FCRLB: variants seen among roughly 807,000 people sequenced by gnomAD.
The protein encoded by FCRLB is Fc receptor like B.
Under a neutral mutation model 33.6 loss-of-function variants are expected in FCRLB, and 34 were observed. That is an observed-to-expected ratio of 1.01 (90% confidence interval 0.77 to 1.35). FCRLB has a LOEUF of 1.35. Ranked by LOEUF, FCRLB falls within the 40% of genes most tolerant of loss-of-function variation. FCRLB has a pLI of 0.00. For synonymous variants in FCRLB, 280 were observed against 255.9 expected (o/e 1.09, Z -0.90); for missense variants, 560 against 580.2 (o/e 0.97, Z 0.36).
At chr1:161,724,425 TA>T (rs3039575) in intron 5 of FCRLB, among the ~76,000 whole-genome samples, 5,334 of 112,522 alleles carry the variant, frequency 0.047, 134 homozygotes, top group Non-Finnish European at 0.057. Context: ...CACTCTCTAC[TA>T]AAAAAAAAAA....
exon 6 of FCRLB, chr1:161,725,963 C>T: frequency 6.2e-7 from 1 of 1,614,276 alleles, no homozygotes; most frequent in Non-Finnish European, 8.5e-7. Context: ...TCCACTCCAG[C>T]GCCAACTACA....
chr1:161,723,409 C>T (rs35002732), exon 5 of FCRLB: 58,670 of 1,614,184 alleles, frequency 0.036, 1,264 homozygotes, highest in Middle Eastern at 0.063. Context: ...CCACCTTGGA[C>T]CACCATCTTC....
chr1:161,726,385 C>A lies in FCRLB; in HGVS notation c.574+298C>A. ...CCACTGTGGGACTGGGACGAAGGAG[C>A]GACTCCCTAGCGTCCTGCAAGGCAG... is the stretch of plus-strand genomic sequence containing the variant. On this transcript the variant is annotated intron_variant, in intron 6 of 7. Coordinates refer to ENST00000367948, the Ensembl canonical transcript of FCRLB. This position sits in a 1 kb window ranked among gnomAD's most constrained non-coding sequence, Gnocchi z 5.2. 1.4e-6 allele frequency: 1 copy of A among 720,836 alleles called. No homozygotes were observed. Among genetic ancestry groups the A allele is most frequent in the Non-Finnish European group, 2.5e-6 (1 of 404,328 alleles). The allele number at this position is 720,836 out of a possible 1,614,324, so 44.7% of individuals were successfully genotyped here.
chr1:161,726,009 T>C lies in FCRLB; in HGVS notation c.496T>C (p.Tyr166His), dbSNP rs1373576200. ...GGCGCGTGCCAGCGACAGCGGGCGC[T>C]ACCAGTGCTCGGGCACCATGCGCAT... Residue 166 changes from tyrosine (Y) to histidine (H), a missense_variant, in exon 6 of 8, where the codon TAC becomes CAC. Physicochemically the swap from Tyr to His is moderately conservative, Grantham distance 83 (BLOSUM62 2). Transcript: ENST00000367948. The surrounding 1 kb of genome is among the most constrained non-coding windows in gnomAD (Gnocchi z 5.2). 1.2e-6 allele frequency: 2 copies of C among 1,614,148 alleles called. No individual in the cohort carries two copies. Among genetic ancestry groups the C allele is most frequent in the East Asian group, 4.5e-5 (2 of 44,880 alleles).
chr1:161,723,009 G>C, exon 4 of FCRLB: 1 of 1,613,852 alleles, frequency 6.2e-7, no homozygotes, highest in East Asian at 2.2e-5. Context: ...TGGGCAAGCT[G>C]GTGAGTCTTA....
chr1:161,727,506 C>G, exon 8 of FCRLB: 1 of 1,614,198 alleles, frequency 6.2e-7, no homozygotes, highest in Non-Finnish European at 8.5e-7. Flanking sequence ...ACCTTCTGCT[C>G]CGAGAAATGC....
intron 5 of FCRLB, among the ~76,000 whole-genome samples, chr1:161,725,540 G>A (rs12729685): frequency 0.073 from 11,051 of 152,216 alleles, 478 homozygotes; most frequent in East Asian, 0.11. Flanking sequence ...TACTCGGGAG[G>A]CTGAGGCAGA....
At chr1:161,722,737 G>C in intron 3 of FCRLB, 34 bp downstream of exon 3, 3 of 1,613,048 alleles carry the variant, frequency 1.9e-6, no homozygotes, top group Non-Finnish European at 2.5e-6. Context: ...AAGAGCTTTG[G>C]GTGGTGGAGA....
Position 161,726,507 on chromosome 1 carries a change from T to C in FCRLB, c.575-196T>C, listed in dbSNP as rs1466801157. On this transcript the variant is annotated intron_variant, in intron 6 of 7. Transcript: ENST00000367948. The surrounding 1 kb of genome is among the most constrained non-coding windows in gnomAD (Gnocchi z 5.2). Reference sequence around the variant, plus strand: ...GCCTGGTCCCTCTTCCTTTCAAGCTTTCCCCGTCCCTCGTGGACTCGGTCC... The same window carrying C: ...GCCTGGTCCCTCTTCCTTTCAAGCTCTCCCCGTCCCTCGTGGACTCGGTCC... The C allele has an allele frequency of 3.7e-6, 3 of 817,778 alleles. No individual in the cohort carries two copies. Among genetic ancestry groups the C allele is most frequent in the Non-Finnish European group, 6.1e-6 (3 of 491,234 alleles). The allele number at this position is 817,778 out of a possible 1,614,324, so 50.7% of individuals were successfully genotyped here.
At chr1:161,724,664 A>T (rs1891020) in intron 5 of FCRLB, among the ~76,000 whole-genome samples, 1 of 151,962 alleles carries the variant, frequency 6.6e-6, no homozygotes, top group Non-Finnish European at 1.5e-5. Context: ...TTCGGAAATC[A>T]TTGGTGATAG....
chr1:161,726,002 CGGGCGCTACCAGT>C lies in FCRLB; in HGVS notation c.491_503del (p.Gly164AlafsTer21). On this transcript the variant is annotated frameshift_variant, in exon 6 of 8. Transcript: ENST00000367948. LOFTEE classifies it high-confidence loss of function. This position sits in a 1 kb window ranked among gnomAD's most constrained non-coding sequence, Gnocchi z 5.2. Reference sequence around the variant, plus strand: ...TGTTACAGGCGCGTGCCAGCGACAGCGGGCGCTACCAGTGCTCGGGCACCATGCGCATCCCGGT... The same window carrying C: ...TGTTACAGGCGCGTGCCAGCGACAGCGCTCGGGCACCATGCGCATCCCGGT... 6.2e-7 allele frequency: 1 copy of C among 1,614,150 alleles called. No homozygotes were observed. The highest frequency in any genetic ancestry group is 8.5e-7 in the Non-Finnish European group (1 of 1,180,000).
At position 161,721,766 on chromosome 1, in the gene FCRLB, T is replaced by C. The variant is rs1683382661; in HGVS notation, c.-105T>C. On this transcript the variant is annotated 5_prime_UTR_variant, in exon 2 of 8. An upstream start codon of the reference 5' UTR is lost. Coordinates refer to ENST00000367948, the Ensembl canonical transcript of FCRLB. ...TCCTCATTGCTCAGGTACGGTCACA[T>C]GGCTCAGAAAGCACAAGAAGTAGAG... 6.6e-6 allele frequency: 1 copy of C among 152,260 alleles called. No individual in the cohort carries two copies. 9.4% of individuals were successfully genotyped at this position (152,260 alleles called of 1,614,324 possible).
chr1:161,727,880 A>G (rs1186335051), exon 8 of FCRLB: 3 of 575,764 alleles, frequency 5.2e-6, no homozygotes, highest in Non-Finnish European at 9.1e-6. Flanking sequence ...AGCAAGAAGT[A>G]GAAACCTGTT....
intron 5 of FCRLB, among the ~76,000 whole-genome samples, chr1:161,725,379 G>A (rs900671781): frequency 6.6e-6 from 1 of 152,286 alleles, no homozygotes; most frequent in Non-Finnish European, 1.5e-5. Flanking sequence ...GGTGGCTCAC[G>A]CCTGTAATCC....
intron 5 of FCRLB, 51 bp from the exon 6 acceptor site, chr1:161,725,770 C>A (rs376524352): frequency 5.2e-6 from 8 of 1,547,514 alleles, no homozygotes; most frequent in Non-Finnish European, 5.3e-6. Context: ...TGGGAGATCT[C>A]CAGGGCTGGA....
At chr1:161,724,688 G>A (rs566486992) in intron 5 of FCRLB, among the ~76,000 whole-genome samples, 10 of 152,302 alleles carry the variant, frequency 6.6e-5, no homozygotes, top group Non-Finnish European at 1.0e-4. Flanking sequence ...TAATTATACT[G>A]AGTACTATAG....
At chr1:161,724,641 CTG>C (rs1411601606) in intron 5 of FCRLB, among the ~76,000 whole-genome samples, 2 of 152,160 alleles carry the variant, frequency 1.3e-5, no homozygotes, top group African/African-American at 2.4e-5. Flanking sequence ...TATTCATACT[CTG>C]TGGTTTCTTG....
chr1:161,727,673 A>G (rs764047171), exon 8 of FCRLB: 2 of 1,578,850 alleles, frequency 1.3e-6, no homozygotes, highest in South Asian at 1.1e-5. Context: ...GGGGGCGGCT[A>G]CCGTCCCCTC....
At position 161,726,600 on chromosome 1, in the gene FCRLB, C is replaced by T. The variant is rs117649845; in HGVS notation, c.575-103C>T. 1.1e-5 allele frequency: 16 copies of T among 1,476,556 alleles called. No homozygotes were observed. Among genetic ancestry groups the T allele is most frequent in the East Asian group, 4.9e-5 (2 of 40,662 alleles). The allele number at this position is 1,476,556 out of a possible 1,614,324, so 91.5% of individuals were successfully genotyped here. On this transcript the variant is annotated intron_variant, in intron 6 of 7. Transcript: ENST00000367948. This position sits in a 1 kb window ranked among gnomAD's most constrained non-coding sequence, Gnocchi z 5.2. Reference sequence around the variant, plus strand: ...GGACACACGGCCTCCTCCCCTCCCCCCTTGGTCTGTGGGTCTGCAAGGAGC... The same window carrying T: ...GGACACACGGCCTCCTCCCCTCCCCTCTTGGTCTGTGGGTCTGCAAGGAGC...
Sources: allele counts gnomAD v4.1 joint callset (sites outside exome capture counted in the v4.1 genomes callset), GRCh38; gene constraint gnomAD v4.1.1; non-coding constraint Gnocchi (gnomAD v3.1); transcripts MANE v1.5; gene names NCBI Gene and HGNC (gene_info 2026-07-23, HGNC 2026-07-21).